The following CARMIL2 variants were observed in gnomAD, a reference collection of about 807,000 sequenced individuals.
CARMIL2 encodes the protein capping protein, Arp2/3 and myosin-I linker protein 2.
A neutral mutation model predicts 173.3 loss-of-function variants in CARMIL2; 96 were observed. That is an observed-to-expected ratio of 0.55 (90% confidence interval 0.47 to 0.66). The LOEUF (loss-of-function observed/expected upper bound fraction) is 0.66. Ranked by LOEUF, CARMIL2 falls within the 30% of genes least tolerant of loss-of-function variation. The pLI is 0.00. For missense variants in CARMIL2, 1,771 were observed against 1,906.7 expected (o/e 0.93, Z 1.33); for synonymous variants, 830 against 817.1 (o/e 1.02, Z -0.27).
In CARMIL2 at chr16:67,656,035, A is replaced by G; in HGVS notation, c.3710A>G (p.Lys1237Arg). ...TGATTGCCCTGTTTCCTGCAGAGCA[A>G]AGATGGCGAGATCAAGAAAGCTGGC... ...GGAEGKRKQS[K>R]DGEIKKAGSD... Residue 1237 changes from lysine to arginine, a missense_variant, in exon 33 of 38, where the codon AAA (lysine) becomes AGA (arginine). This residue lies in a region of CARMIL2 where 817 missense variants were observed against 903.5 expected (regional missense o/e 0.90). Transcript: ENST00000334583. 1.3e-6 allele frequency: 2 copies of G among 1,596,840 alleles called. No individual in the cohort carries two copies. The highest frequency in any genetic ancestry group is 1.7e-6 in the Non-Finnish European group (2 of 1,171,864).
intron 1 of CARMIL2, 126 bp downstream of exon 1, chr16:67,645,412 C>T (rs1970106867): frequency 1.5e-6 from 2 of 1,357,486 alleles, no homozygotes; most frequent in Admixed American, 4.0e-5. Flanking sequence ...GGGCAGGCGC[C>T]CCAGATCCTC....
rs915670499 is a variant in CARMIL2, at chr16:67,651,060, C to T, written c.2185-127C>T. 76 of 1,079,210 alleles carry T rather than the reference C, an allele frequency of 7.0e-5. No individual in the cohort carries two copies. Among genetic ancestry groups the T allele is most frequent in the Non-Finnish European group, 9.4e-5 (71 of 758,912 alleles). The allele number at this position is 1,079,210 out of a possible 1,614,324, so 66.9% of individuals were successfully genotyped here. Reference sequence around the variant, plus strand: ...CTTCCCTCCTTGAACAGATAGGGTTCCAAAGTGGCTGGTCTAAGGGTGTCA... The same window carrying T: ...CTTCCCTCCTTGAACAGATAGGGTTTCAAAGTGGCTGGTCTAAGGGTGTCA... On this transcript the variant is annotated intron_variant, in intron 22 of 37. Coordinates refer to ENST00000334583, the MANE Select transcript of CARMIL2 (RefSeq NM_001013838.3). This position sits in a 1 kb window ranked among gnomAD's most constrained non-coding sequence, Gnocchi z 4.2.
chr16:67,654,732 G>A (rs2052807838), intron 31 of CARMIL2, 40 bp downstream of exon 31: 1 of 1,607,556 alleles, frequency 6.2e-7, no homozygotes, highest in Admixed American at 1.7e-5. Flanking sequence ...GCGCTTCTGG[G>A]ACCCAGGGCG....
rs540577271 is a variant in CARMIL2 at position 67,651,660 on chromosome 16, C to A, written c.2428-25C>A. 9 of 1,601,436 alleles carry A rather than the reference C, an allele frequency of 5.6e-6. 1 individual carries two copies. The South Asian group carries it at 9.0e-5, about 16-fold the overall frequency. On this transcript the variant is annotated intron_variant, in intron 24 of 37. Transcript: ENST00000334583. This position sits in a 1 kb window ranked among gnomAD's most constrained non-coding sequence, Gnocchi z 4.2. ...GCCTGGTGTCTGGCCACATCCTCAC[C>A]ATGCTCTGACTGACCTTTGTCTAGG...
At position 67,656,458 on chromosome 16, in the gene CARMIL2, G is replaced by A. The variant is rs2142957784; in HGVS notation, c.3849G>A (p.Gly1283=). The change falls in exon 35 of 38, where the codon GGG becomes GGA. Residue 1283 remains glycine, a synonymous_variant. Coordinates refer to ENST00000334583, the MANE Select transcript of CARMIL2 (RefSeq NM_001013838.3). ...PSCRPGPGSQ[G]PESATWKTLG... The stretch of plus-strand genomic sequence containing the variant: ...GCAGACCTGGCCCAGGGAGCCAGGG[G>A]CCTGAGTCTGCCACCTGGAAGACAC... 2 of 1,611,094 alleles carry A rather than the reference G, an allele frequency of 1.2e-6. No homozygotes were observed. Among genetic ancestry groups the A allele is most frequent in the South Asian group, 1.1e-5 (1 of 90,828 alleles).
rs775061512 is a variant in CARMIL2, at chr16:67,649,616, T to A, written c.1916T>A (p.Leu639His). 1.3e-5 allele frequency: 21 copies of A among 1,571,952 alleles called. No homozygotes were observed. The highest frequency in any genetic ancestry group is 1.7e-5 in the Non-Finnish European group (20 of 1,160,990). Residue 639 changes from leucine to histidine, a missense_variant, in exon 20 of 38, where the codon CTC (leucine) becomes CAC (histidine). Physicochemically the swap from Leu to His is moderately conservative, Grantham distance 99 (BLOSUM62 -3). Transcript: ENST00000334583. The surrounding 1 kb of genome is among the most constrained non-coding windows in gnomAD (Gnocchi z 6.7). ...LAKALRVNSR[L>H]RSVVWDRNHT... ...AAGGCGCTGCGGGTCAACTCGAGGC[T>A]CCGGTGGGCGGGGTCAGAGGGGTGG...
At chr16:67,647,054 G>A in intron 8 of CARMIL2, 62 bp from the exon 9 acceptor site, 1 of 1,607,284 alleles carries the variant, frequency 6.2e-7, no homozygotes, top group Middle Eastern at 1.7e-4. Context: ...TGGAGGGGCT[G>A]CTGGGCCTGG....
In CARMIL2 at chr16:67,646,558, C is replaced by T. The variant is rs199583088; in HGVS notation, c.466+41C>T. ...GAGCCACAGGCCTTCCAGCCTGCCC[C>T]ACCTCTGCCTCCCCAGACCCGCAAG... On this transcript the variant is annotated intron_variant, in intron 6 of 37. Transcript: ENST00000334583. This position sits in a 1 kb window ranked among gnomAD's most constrained non-coding sequence, Gnocchi z 4.6. 1,488 of 1,599,112 alleles carry T rather than the reference C, an allele frequency of 9.3e-4. 2 individuals are homozygous for T. The highest frequency in any genetic ancestry group is 2.3e-3 in the South Asian group (205 of 90,314).
rs774492599 is a variant in CARMIL2 at position 67,652,190 on chromosome 16, G to A, written c.2677-9G>A. Reference sequence around the variant, plus strand: ...CCTACCTGCCATCTTTGGCTGCTTGGTATTGCAGGTGGAGAGTCTGGCTCA... The same window carrying A: ...CCTACCTGCCATCTTTGGCTGCTTGATATTGCAGGTGGAGAGTCTGGCTCA... On this transcript the variant is annotated splice_polypyrimidine_tract_variant and intron_variant, in intron 26 of 37. Transcript: ENST00000334583. This position sits in a 1 kb window ranked among gnomAD's most constrained non-coding sequence, Gnocchi z 4.7. 6.2e-7 allele frequency: 1 copy of A among 1,611,320 alleles called. No homozygotes were observed. Among genetic ancestry groups the A allele is most frequent in the East Asian group, 2.2e-5 (1 of 44,872 alleles).
Position 67,654,189 on chromosome 16 carries a change from C to T in CARMIL2, c.3161C>T (p.Ala1054Val). The change falls in exon 30 of 38, where the codon GCC (alanine) becomes GTC (valine). Residue 1054 changes from alanine to valine, a missense_variant. Around this residue, in one of 3 missense-constraint regions of CARMIL2, gnomAD observed 817 missense variants for 903.5 expected, o/e 0.90. Transcript: ENST00000334583. ...CCGCAGGAAGGGAATGGGCTCAGTG[C>T]CCGCGTGGACGAGGGCGTGGAGGAA... Reference protein sequence around the residue: ...ALPQEGNGLSARVDEGVEEFF... With the variant: ...ALPQEGNGLSVRVDEGVEEFF... 6.4e-7 allele frequency: 1 copy of T among 1,568,830 alleles called. No homozygotes were observed. Among genetic ancestry groups the T allele is most frequent in the Non-Finnish European group, 8.6e-7 (1 of 1,157,462 alleles).
At chr16:67,656,159 G>A in intron 33 of CARMIL2, 69 bp from the exon 34 acceptor site, 1 of 1,610,274 alleles carries the variant, frequency 6.2e-7, no homozygotes, top group East Asian at 2.2e-5. Context: ...GGGAGGAAGG[G>A]GAGAGGCCAG....
chr16:67,657,222 C>T lies in CARMIL2; in HGVS notation c.4118-17C>T, dbSNP rs1369466239. Reference sequence around the variant, plus strand: ...CAAGCCTTAGCAACCCACCCCAAGCCTTTCTGTGTCCCTTAGAACGGCCCC... The same window carrying T: ...CAAGCCTTAGCAACCCACCCCAAGCTTTTCTGTGTCCCTTAGAACGGCCCC... On this transcript the variant is annotated splice_polypyrimidine_tract_variant and intron_variant, in intron 36 of 37. Transcript: ENST00000334583. This position sits in a 1 kb window ranked among gnomAD's most constrained non-coding sequence, Gnocchi z 4.5. The T allele has an allele frequency of 1.2e-6, 2 of 1,612,720 alleles. No homozygotes were observed. The highest frequency in any genetic ancestry group is 1.7e-6 in the Non-Finnish European group (2 of 1,179,256).
In CARMIL2 at chr16:67,648,185, G is replaced by T. The variant is rs1567628899; in HGVS notation, c.1205G>T (p.Gly402Val). 1 of 1,607,080 alleles carries T rather than the reference G, an allele frequency of 6.2e-7. No individual in the cohort carries two copies. The highest frequency in any genetic ancestry group is 8.5e-7 in the Non-Finnish European group (1 of 1,176,874). The change falls in exon 14 of 38, where the codon GGA becomes GTA. Residue 402 changes from glycine to valine, a missense_variant. By Grantham distance (109) the Gly-to-Val change is moderately radical (BLOSUM62 -3). This residue lies in a region of CARMIL2 where 944 missense variants were observed against 975.6 expected (regional missense o/e 0.97). Coordinates refer to ENST00000334583, the MANE Select transcript of CARMIL2 (RefSeq NM_001013838.3). This position sits in a 1 kb window ranked among gnomAD's most constrained non-coding sequence, Gnocchi z 6.1. ...ACCGGCAGGGCGGACTGGAGGGCGG[G>T]ACGGGGAGGGCTCGGTCCCCCCGCG... Reference protein sequence around the residue: ...WMTGRADWRAGRGGLGPPAGV... With the variant: ...WMTGRADWRAVRGGLGPPAGV...
At position 67,647,301 on chromosome 16, in the gene CARMIL2, C is replaced by A. The variant is rs1210034723; in HGVS notation, c.690C>A (p.Ser230Arg). ...RCLSCVDMKL[S>R]LEVSEQILHM... The stretch of plus-strand genomic sequence containing the variant: ...AGCCGCCGCCCTCTGCTTCTCAGAG[C>A]CTTGAGGTCTCAGAACAGATTCTGC... The change falls in exon 10 of 38, where the codon AGC becomes AGA. Residue 230 changes from serine (S) to arginine (R), a missense_variant and splice_region_variant. By Grantham distance (110) the Ser-to-Arg change is moderately radical (BLOSUM62 -1). Transcript: ENST00000334583. The A allele has an allele frequency of 2.5e-6, 4 of 1,604,468 alleles. No individual in the cohort carries two copies. The South Asian group carries it at 3.3e-5, about 13-fold the overall frequency.
Position 67,646,753 on chromosome 16 carries a change from A to G in CARMIL2, c.506A>G (p.Asn169Ser). The G allele has an allele frequency of 6.2e-7, 1 of 1,613,932 alleles. No homozygotes were observed. The highest frequency in any genetic ancestry group is 8.5e-7 in the Non-Finnish European group (1 of 1,179,872). ...LETYEALCDY[N>S]GFPFREEIQW... ...ACATACGAGGCTCTGTGTGACTACA[A>G]TGGCTTCCCTTTCCGAGAGGAGATT... The change falls in exon 7 of 38, where the codon AAT (asparagine) becomes AGT (serine). Residue 169 changes from asparagine to serine, a missense_variant. This residue lies in a region of CARMIL2 where 944 missense variants were observed against 975.6 expected (regional missense o/e 0.97). Transcript: ENST00000334583. The surrounding 1 kb of genome is among the most constrained non-coding windows in gnomAD (Gnocchi z 4.6).
chr16:67,650,106 A>G lies in CARMIL2; in HGVS notation c.2140A>G (p.Thr714Ala). ...AGACCCTGCCTCTTCTGACCACACG[A>G]CCCGCCTTCAGCCACTTGGTCTGGT... ...RADPASSDHT[T>A]RLQPLGLVSD... The change falls in exon 22 of 38, where the codon ACC becomes GCC. Residue 714 changes from threonine (T) to alanine (A), a missense_variant. Physicochemically the swap from Thr to Ala is moderately conservative, Grantham distance 58. Around this residue, in one of 3 missense-constraint regions of CARMIL2, gnomAD observed 944 missense variants for 975.6 expected, o/e 0.97. Coordinates refer to ENST00000334583, the MANE Select transcript of CARMIL2 (RefSeq NM_001013838.3). The G allele has an allele frequency of 6.2e-7, 1 of 1,612,794 alleles. No individual in the cohort carries two copies. Among genetic ancestry groups the G allele is most frequent in the Non-Finnish European group, 8.5e-7 (1 of 1,179,494 alleles).
rs374868834 is a variant in CARMIL2, at chr16:67,646,380, C to T, written c.375-46C>T. 6.8e-6 allele frequency: 11 copies of T among 1,607,098 alleles called. No individual in the cohort carries two copies. The highest frequency in any genetic ancestry group is 5.3e-5 in the African/African-American group (4 of 74,822). Reference sequence around the variant, plus strand: ...GCATGAGAAGGGCTGCTTCCCATCCCAGAGGCTGGAAGTCCTTTGCCCCCT... The same window carrying T: ...GCATGAGAAGGGCTGCTTCCCATCCTAGAGGCTGGAAGTCCTTTGCCCCCT... On this transcript the variant is annotated intron_variant, in intron 5 of 37. Transcript: ENST00000334583. The surrounding 1 kb of genome is among the most constrained non-coding windows in gnomAD (Gnocchi z 4.6).
In CARMIL2 at chr16:67,649,513, C is replaced by T. The variant is rs1422897533; in HGVS notation, c.1813C>T (p.Leu605=). 6.2e-6 allele frequency: 10 copies of T among 1,608,742 alleles called. No homozygotes were observed. Among genetic ancestry groups the T allele is most frequent in the Non-Finnish European group, 8.5e-6 (10 of 1,179,872 alleles). The stretch of plus-strand genomic sequence containing the variant: ...GGGTGCCAGCGTCCTACTCCGGGCC[C>T]TAGCCACCAATCCTAACCTGACCGC... ...KLGASVLLRA[L]ATNPNLTALD... Residue 605 remains leucine (L), a synonymous_variant, in exon 20 of 38, where the codon CTA becomes TTA. Transcript: ENST00000334583. The surrounding 1 kb of genome is among the most constrained non-coding windows in gnomAD (Gnocchi z 6.7).
chr16:67,649,643 A>T lies in CARMIL2; in HGVS notation c.1919+24A>T, dbSNP rs375886752. On this transcript the variant is annotated intron_variant, in intron 20 of 37. Transcript: ENST00000334583. This position sits in a 1 kb window ranked among gnomAD's most constrained non-coding sequence, Gnocchi z 6.7. The stretch of plus-strand genomic sequence containing the variant: ...CGGTGGGCGGGGTCAGAGGGGTGGG[A>T]CCAGCGGGCAGGGGGCGCGGTGGAG... 2,722 of 1,573,952 alleles carry T rather than the reference A, an allele frequency of 1.7e-3. 59 individuals carry two copies. In the South Asian group the frequency reaches 0.028, roughly 16 times the overall value.
Sources: gnomAD v4.1 joint callset for allele counts on GRCh38, gnomAD v4.1.1 for gene constraint, gnomAD v4.1.1 regional missense constraint, Gnocchi (gnomAD v3.1) non-coding constraint, MANE v1.5 for transcripts, NCBI Gene and HGNC (gene_info 2026-07-23, HGNC 2026-07-21) for gene names.